PTPRD: variants seen among roughly 807,000 people sequenced by gnomAD.
PTPRD encodes the protein receptor-type tyrosine-protein phosphatase delta.
In PTPRD, 34 loss-of-function variants were observed where a neutral mutation model predicts 214.5. The ratio of observed to expected loss-of-function variants is 0.16; its 90% CI spans 0.12 to 0.21. The LOEUF is 0.21. Among genes scored for constraint, PTPRD ranks in the 10% least tolerant of loss-of-function variants. The probability of loss-of-function intolerance (pLI) is 1.00; values close to 1 mark genes in which losing one functional copy is unlikely to be tolerated. For missense variants in PTPRD, 2,545 were observed against 2,398.7 expected, an observed-to-expected ratio of 1.06 and a Z score of -1.27; for synonymous variants, 1,128 against 845.7, an observed-to-expected ratio of 1.33 and a Z score of -5.79.
intron 8 of PTPRD, among the ~76,000 whole-genome samples, chr9:9,571,090 T>G (rs2086239165): frequency 6.6e-6 from 1 of 151,418 alleles, no homozygotes; most frequent in Admixed American, 6.6e-5. Context: ...TCTAAGAACG[T>G]ATTTAAATGA....
intron 9 of PTPRD, among the ~76,000 whole-genome samples, chr9:9,249,620 T>C (rs1432868661): frequency 2.0e-5 from 3 of 152,106 alleles, no homozygotes; most frequent in African/African-American, 4.8e-5. Context: ...TTCCTCCTTC[T>C]TTCTCTTGGG....
chr9:8,701,187 T>C (rs2098074637), intron 12 of PTPRD, among the ~76,000 whole-genome samples: 1 of 151,978 alleles, frequency 6.6e-6, no homozygotes, highest in Admixed American at 6.6e-5. Context: ...AATTTTTATT[T>C]TAGTGCCATA....
chr9:8,920,634 A>T (rs2098820996), intron 11 of PTPRD, among the ~76,000 whole-genome samples: 1 of 152,136 alleles, frequency 6.6e-6, no homozygotes, highest in Non-Finnish European at 1.5e-5. Flanking sequence ...AAAGTTTACA[A>T]ATTTGTGTTG....
At chr9:8,861,590 A>G (rs1004967474) in intron 11 of PTPRD, 1 of 152,208 alleles carries the variant, frequency 6.6e-6, no homozygotes, top group African/African-American at 2.4e-5. Context: ...AGGATAAGTA[A>G]TTTGGCCAAG....
chr9:10,369,409 G>C (rs910921713), intron 2 of PTPRD, among the ~76,000 whole-genome samples: 110 of 152,104 alleles, frequency 7.2e-4, no homozygotes, highest in African/African-American at 2.6e-3. Flanking sequence ...TAATGGCGGG[G>C]ACAGAGTGGA....
intron 14 of PTPRD, among the ~76,000 whole-genome samples, chr9:8,530,115 T>A (rs1286331929): frequency 6.6e-6 from 1 of 152,062 alleles, no homozygotes; most frequent in African/African-American, 2.4e-5. Flanking sequence ...TCACAGTTGA[T>A]GGTGAATCAT....
chr9:8,338,308 C>T (rs556882082), intron 43 of PTPRD, among the ~76,000 whole-genome samples: 2 of 152,142 alleles, frequency 1.3e-5, no homozygotes, highest in South Asian at 4.1e-4. Flanking sequence ...AGGGCTGAAC[C>T]TTGGACTCAA....
intron 27 of PTPRD, among the ~76,000 whole-genome samples, chr9:8,487,981 A>C (rs570428417): frequency 1.3e-5 from 2 of 152,246 alleles, no homozygotes; most frequent in Admixed American, 1.3e-4. Flanking sequence ...GTGAGCTATG[A>C]TCACACCATT....
intron 21 of PTPRD, among the ~76,000 whole-genome samples, chr9:8,510,780 T>C (rs2137803686): frequency 6.6e-6 from 1 of 152,152 alleles, no homozygotes; most frequent in African/African-American, 2.4e-5. Flanking sequence ...TCCACAACCA[T>C]GAAGCTGAGG....
At chr9:8,516,220 C>CT (rs1193227771) in intron 21 of PTPRD, among the ~76,000 whole-genome samples, 3 of 152,076 alleles carry the variant, frequency 2.0e-5, no homozygotes, top group African/African-American at 2.4e-5. Flanking sequence ...CAATGAGAAG[C>CT]TTTTTTGGTA....
At chr9:10,246,674 T>G (rs2154366339) in intron 3 of PTPRD, among the ~76,000 whole-genome samples, 1 of 152,226 alleles carries the variant, frequency 6.6e-6, no homozygotes, top group Admixed American at 6.6e-5. Flanking sequence ...TAAGTACACT[T>G]TTTGAGGTTT....
At chr9:9,971,081 C>T (rs2154047225) in intron 4 of PTPRD, among the ~76,000 whole-genome samples, 1 of 152,144 alleles carries the variant, frequency 6.6e-6, no homozygotes, top group South Asian at 2.1e-4. Context: ...TTAATTGGTT[C>T]TATTTGTCAC....
intron 2 of PTPRD, among the ~76,000 whole-genome samples, chr9:10,471,684 T>C (rs2099032008): frequency 6.6e-6 from 1 of 152,164 alleles, no homozygotes; most frequent in African/African-American, 2.4e-5. Context: ...ATTTCTTTGC[T>C]CATAAAGACT....
chr9:8,815,986 G>C (rs1045995051), intron 11 of PTPRD, among the ~76,000 whole-genome samples: 22 of 152,178 alleles, frequency 1.4e-4, no homozygotes, highest in Non-Finnish European at 2.6e-4. Flanking sequence ...TGTGCTAACA[G>C]AGCAGACATT....
At chr9:10,140,424 C>A (rs1046497871) in intron 3 of PTPRD, among the ~76,000 whole-genome samples, 10 of 151,826 alleles carry the variant, frequency 6.6e-5, no homozygotes, top group Non-Finnish European at 1.0e-4. Context: ...GATATCACCA[C>A]CGATCCCACA....
intron 3 of PTPRD, among the ~76,000 whole-genome samples, chr9:10,124,848 T>A (rs905484601): frequency 6.6e-6 from 1 of 152,206 alleles, no homozygotes; most frequent in Non-Finnish European, 1.5e-5. Context: ...TGTGATTTTA[T>A]AACATAAACA....
chr9:9,451,288 C>G (rs2092098994), intron 8 of PTPRD, among the ~76,000 whole-genome samples: 1 of 151,634 alleles, frequency 6.6e-6, no homozygotes, highest in African/African-American at 2.4e-5. Context: ...GAGAAATAAA[C>G]ACAAGGCTAT....
chr9:9,607,699 T>C (rs16929911), intron 7 of PTPRD, among the ~76,000 whole-genome samples: 2 of 151,494 alleles, frequency 1.3e-5, no homozygotes, highest in Non-Finnish European at 2.9e-5. Context: ...CAGTTACCAC[T>C]ATTGTTATTG....
chr9:8,335,449 G>C (rs1179322764), intron 43 of PTPRD, among the ~76,000 whole-genome samples: 3 of 151,960 alleles, frequency 2.0e-5, no homozygotes, highest in South Asian at 2.1e-4. Context: ...ACACCACTTT[G>C]TGCTAACAAC....
Sources: allele counts gnomAD v4.1 joint callset (sites outside exome capture counted in the v4.1 genomes callset), GRCh38; gene constraint gnomAD v4.1.1; transcripts MANE v1.5; gene names NCBI Gene and HGNC (gene_info 2026-07-23, HGNC 2026-07-21).